The following CFAP300 variants were observed in gnomAD, a reference collection of about 807,000 sequenced individuals.
CFAP300 encodes cilia- and flagella-associated protein 300.
Under a neutral mutation model 33.0 loss-of-function variants are expected in CFAP300, and 32 were observed. The observed-to-expected ratio is 0.97, with a 90% confidence interval of 0.73 to 1.30. The LOEUF (loss-of-function observed/expected upper bound fraction) is 1.30. CFAP300 is among the 50% of genes most tolerant of loss of function. CFAP300 has a pLI of 0.00. For synonymous variants in CFAP300, 102 were observed against 106.8 expected (o/e 0.95, Z 0.28); for missense variants, 356 against 318.1 (o/e 1.12, Z -0.90).
chr11:102,059,536 C>T (rs1312100356), intron 3 of CFAP300, among the ~76,000 whole-genome samples: 2 of 152,032 alleles, frequency 1.3e-5, no homozygotes, highest in East Asian at 1.9e-4. Flanking sequence ...GTAATACTAG[C>T]TACTTGGTGG....
chr11:102,061,778 C>T (rs1453297746), intron 3 of CFAP300, among the ~76,000 whole-genome samples: 3 of 152,138 alleles, frequency 2.0e-5, no homozygotes, highest in Middle Eastern at 3.2e-3. Flanking sequence ...GATGGGGTTG[C>T]CAGAAAAGTA....
chr11:102,065,754 C>G (rs1279398225), intron 3 of CFAP300, among the ~76,000 whole-genome samples: 1 of 150,436 alleles, frequency 6.6e-6, no homozygotes, highest in Non-Finnish European at 1.5e-5. Flanking sequence ...GAAACAAGAG[C>G]AAAACTCCAT....
intron 6 of CFAP300, among the ~76,000 whole-genome samples, chr11:102,081,884 C>G (rs1942478951): frequency 7.8e-6 from 1 of 127,492 alleles, no homozygotes. Context: ...GAGCGAGACT[C>G]CATCTAAAAA....
intron 3 of CFAP300, among the ~76,000 whole-genome samples, chr11:102,066,098 C>T (rs1006715589): frequency 2.0e-5 from 3 of 151,756 alleles, no homozygotes; most frequent in African/African-American, 7.3e-5. Context: ...GCTGGGATTA[C>T]AGGTGTGTGC....
intron 3 of CFAP300, among the ~76,000 whole-genome samples, chr11:102,060,746 T>G (rs1183361551): frequency 6.6e-6 from 1 of 152,152 alleles, no homozygotes; most frequent in Admixed American, 6.6e-5. Context: ...GGGGTGTATT[T>G]TGGTAAATTA....
In CFAP300 at chr11:102,047,856, A is replaced by G; in HGVS notation, c.152A>G (p.Asp51Gly). ...ATCAAGGCGCAGGCGTTCGGCTTTG[A>G]CCAGACCTTTCAGTCCTATCGGAAG... ...GRIKAQAFGF[D>G]QTFQSYRKDD... The change falls in exon 2 of 7, where the codon GAC becomes GGC. Residue 51 changes from aspartate (D) to glycine (G), a missense_variant. Coordinates refer to ENST00000434758, the MANE Select transcript of CFAP300 (RefSeq NM_032930.3). 1 of 1,614,132 alleles carries G rather than the reference A, an allele frequency of 6.2e-7. No homozygotes were observed. The highest frequency in any genetic ancestry group is 8.5e-7 in the Non-Finnish European group (1 of 1,180,016).
chr11:102,060,693 T>C (rs1942137405), intron 3 of CFAP300, among the ~76,000 whole-genome samples: 1 of 152,198 alleles, frequency 6.6e-6, no homozygotes, highest in Non-Finnish European at 1.5e-5. Flanking sequence ...GATATGGATT[T>C]ATACTCAATA....
chr11:102,068,988 A>C (rs145566992), intron 4 of CFAP300, among the ~76,000 whole-genome samples: 250 of 152,246 alleles, frequency 1.6e-3, no homozygotes, highest in South Asian at 3.3e-3. Context: ...CTTACCTCTA[A>C]TTTTAGATAA....
intron 2 of CFAP300, among the ~76,000 whole-genome samples, chr11:102,058,272 C>T (rs1441555708): frequency 4.6e-5 from 7 of 151,822 alleles, no homozygotes; most frequent in African/African-American, 7.3e-5. Context: ...AACTAAAGCT[C>T]TTTTTTATTT....
At position 102,075,868 on chromosome 11, in the gene CFAP300, C is replaced by A. The variant is rs1406706875; in HGVS notation, c.436-5C>A. ...GTTACATTAAGATGAATTTTATCGT[C>A]TTAGGTTTTGCTAGTGGAAGACTCA... On this transcript the variant is annotated splice_polypyrimidine_tract_variant and splice_region_variant and intron_variant, in intron 4 of 6. Transcript: ENST00000434758. 6 of 1,595,814 alleles carry A rather than the reference C, an allele frequency of 3.8e-6. No individual in the cohort carries two copies. The Admixed American group carries it at 1.0e-4, about 28-fold the overall frequency.
chr11:102,078,068 T>A (rs1006109170), intron 5 of CFAP300, among the ~76,000 whole-genome samples: 3 of 152,014 alleles, frequency 2.0e-5, no homozygotes, highest in Non-Finnish European at 4.4e-5. Context: ...GTTTTTCATA[T>A]TTTTTGTAGA....
intron 6 of CFAP300, among the ~76,000 whole-genome samples, chr11:102,081,965 C>T (rs990554372): frequency 6.6e-6 from 1 of 150,768 alleles, no homozygotes; most frequent in Non-Finnish European, 1.5e-5. Context: ...CAGTATTATA[C>T]AAAAGATATT....
intron 6 of CFAP300, among the ~76,000 whole-genome samples, chr11:102,082,671 A>G (rs1055812051): frequency 6.6e-6 from 1 of 152,176 alleles, no homozygotes; most frequent in African/African-American, 2.4e-5. Context: ...AGGCAAATAT[A>G]TTGATTATCA....
intron 1 of CFAP300, 111 bp from the exon 2 acceptor site, chr11:102,047,704 G>A: frequency 1.4e-6 from 2 of 1,469,258 alleles, no homozygotes; most frequent in Non-Finnish European, 1.8e-6. Context: ...GGCTTCCTGA[G>A]TGAACCCCGA....
intron 4 of CFAP300, among the ~76,000 whole-genome samples, chr11:102,067,300 A>G (rs919348753): frequency 6.6e-6 from 1 of 152,220 alleles, no homozygotes; most frequent in Non-Finnish European, 1.5e-5. Flanking sequence ...CAAGGCTGCA[A>G]TGAGCTGTGA....
Position 102,084,197 on chromosome 11 carries a change from T to C in CFAP300, c.*998T>C, listed in dbSNP as rs1942515148. 2.0e-5 allele frequency: 3 copies of C among 152,228 alleles called. No homozygotes were observed. The highest frequency in any genetic ancestry group is 4.1e-4 in the South Asian group (2 of 4,824). 9.4% of individuals were successfully genotyped at this position (152,228 alleles called of 1,614,324 possible). A position where few individuals can be genotyped will look rare whatever the true frequency, so the allele number is the denominator to read the frequency against. On this transcript the variant is annotated 3_prime_UTR_variant, in exon 7 of 7. Coordinates refer to ENST00000434758, the MANE Select transcript of CFAP300 (RefSeq NM_032930.3). The stretch of plus-strand genomic sequence containing the variant: ...TTAGTACTGTTCCTTATTTCATTCA[T>C]AGAATGAATGTATAACCTAGATTGT...
At chr11:102,059,012 C>T in intron 3 of CFAP300, 57 bp downstream of exon 3, 2 of 1,074,832 alleles carry the variant, frequency 1.9e-6, no homozygotes, top group East Asian at 2.6e-5. Flanking sequence ...AAAATTTTGC[C>T]TCAGGAATTT....
At chr11:102,080,004 G>A (rs1178803769) in intron 5 of CFAP300, among the ~76,000 whole-genome samples, 10 of 152,156 alleles carry the variant, frequency 6.6e-5, no homozygotes, top group Admixed American at 6.5e-4. Context: ...TTTGGAGGCA[G>A]GGTGCAGTGG....
rs1462747015 is a variant in CFAP300, at chr11:102,083,587, A to G, written c.*388A>G. The G allele has an allele frequency of 1.3e-5, 2 of 153,450 alleles. No homozygotes were observed. Among genetic ancestry groups the G allele is most frequent in the African/African-American group, 4.8e-5 (2 of 41,530 alleles). The allele number at this position is 153,450 out of a possible 1,614,324, so 9.5% of individuals were successfully genotyped here. ...TAAACATGTCTACCACTGATCATTA[A>G]TATGAATTGTTAGTTTATTTAACTT... On this transcript the variant is annotated 3_prime_UTR_variant, in exon 7 of 7. Coordinates refer to ENST00000434758, the MANE Select transcript of CFAP300 (RefSeq NM_032930.3).
Sources: gnomAD v4.1 joint callset for allele counts (sites outside exome capture counted in the v4.1 genomes callset) on GRCh38, gnomAD v4.1.1 for gene constraint, MANE v1.5 for transcripts, NCBI Gene and HGNC (gene_info 2026-07-23, HGNC 2026-07-21) for gene names.